Variants in STK33 observed in about 807,000 individuals in gnomAD.
STK33 encodes the protein serine/threonine kinase 33.
A neutral mutation model predicts 58.0 loss-of-function variants in STK33; 52 were observed. The ratio of observed to expected loss-of-function variants is 0.90; its 90% confidence interval spans 0.72 to 1.13. The LOEUF (loss-of-function observed/expected upper bound fraction) is 1.13. Among genes scored for constraint, STK33 ranks in the 50% most tolerant of loss-of-function variants. The pLI is 0.00. For missense variants in STK33, 630 were observed against 604.2 expected (o/e 1.04, Z -0.45); for synonymous variants, 215 against 200.1 (o/e 1.07, Z -0.63).
At chr11:8,447,349 A>G (rs1945627648) in intron 11 of STK33, among the ~76,000 whole-genome samples, 1 of 150,280 alleles carries the variant, frequency 6.7e-6, no homozygotes, top group Non-Finnish European at 1.5e-5. Context: ...AGAATTTTAG[A>G]CCAATATCTC....
At chr11:8,509,128 A>AT (rs1952108443) in intron 1 of STK33, among the ~76,000 whole-genome samples, 1 of 151,516 alleles carries the variant, frequency 6.6e-6, no homozygotes, top group Non-Finnish European at 1.5e-5. Flanking sequence ...AAAAAAAAAA[A>AT]AAAAAAAAAA....
At chr11:8,336,369 G>A in the STK33 span, among the ~76,000 whole-genome samples, 1 of 152,242 alleles carries the variant, frequency 6.6e-6, no homozygotes, top group Non-Finnish European at 1.5e-5. Context: ...AGCCTTGAGT[G>A]AGGAATCAGA....
chr11:8,583,119 C>T (rs962276955), intron 1 of STK33, among the ~76,000 whole-genome samples: 2 of 152,140 alleles, frequency 1.3e-5, no homozygotes, highest in Admixed American at 6.5e-5. Context: ...ACAGGTCATA[C>T]GTAATTATGT....
chr11:8,525,854 A>G (rs528011642), intron 1 of STK33, among the ~76,000 whole-genome samples: 2 of 152,332 alleles, frequency 1.3e-5, no homozygotes, highest in South Asian at 4.1e-4. Flanking sequence ...ATTAATTTCA[A>G]AAGATAGGCA....
At chr11:8,578,917 A>ACT (rs1399097244) in intron 1 of STK33, among the ~76,000 whole-genome samples, 1 of 152,022 alleles carries the variant, frequency 6.6e-6, no homozygotes, top group Non-Finnish European at 1.5e-5. Flanking sequence ...CTCATCTGTA[A>ACT]AATGGAAGTA....
intron 1 of STK33, among the ~76,000 whole-genome samples, chr11:8,516,694 C>A (rs1300065463): frequency 6.6e-6 from 1 of 152,256 alleles, no homozygotes; most frequent in African/African-American, 2.4e-5. Flanking sequence ...TATCCCGTGC[C>A]TGGCTTGGCG....
At chr11:8,561,597 T>TC (rs1282150758) in intron 1 of STK33, among the ~76,000 whole-genome samples, 3 of 152,190 alleles carry the variant, frequency 2.0e-5, no homozygotes, top group Non-Finnish European at 4.4e-5. Context: ...GGTGGTCTTT[T>TC]CCCCATGATA....
intron 14 of STK33, among the ~76,000 whole-genome samples, chr11:8,424,527 T>C (rs1455289688): frequency 6.6e-6 from 1 of 151,912 alleles, no homozygotes; most frequent in Non-Finnish European, 1.5e-5. Context: ...CTGGGTCAAA[T>C]GGTAATTCTA....
the STK33 span, among the ~76,000 whole-genome samples, chr11:8,355,392 T>C: frequency 3.3e-5 from 5 of 152,212 alleles, no homozygotes; most frequent in African/African-American, 1.2e-4. Flanking sequence ...AATAGCCACA[T>C]GGGGTTAGTG....
intron 11 of STK33, 28 bp downstream of exon 11, chr11:8,452,794 A>G (rs1179839692): frequency 2.1e-5 from 34 of 1,603,666 alleles, no homozygotes; most frequent in Non-Finnish European, 2.6e-5. Flanking sequence ...TCTCAAAACA[A>G]AAATTAATTT....
At chr11:8,525,704 T>C (rs1419694852) in intron 1 of STK33, among the ~76,000 whole-genome samples, 2 of 152,152 alleles carry the variant, frequency 1.3e-5, no homozygotes, top group Middle Eastern at 3.4e-3. Context: ...TTAAATAAAA[T>C]GCAAAGACGA....
At chr11:8,496,578 A>AT (rs796992204) in intron 1 of STK33, among the ~76,000 whole-genome samples, 1,961 of 142,786 alleles carry the variant, frequency 0.014, 25 homozygotes, top group African/African-American at 0.038. Flanking sequence ...GTGATATTTC[A>AT]TTTTTTTTTT....
the STK33 span, among the ~76,000 whole-genome samples, chr11:8,354,987 A>G: frequency 6.6e-6 from 1 of 152,260 alleles, no homozygotes; most frequent in Non-Finnish European, 1.5e-5. Flanking sequence ...GCAGAAAAAA[A>G]GAGCAAAGCT....
the STK33 span, among the ~76,000 whole-genome samples, chr11:8,381,529 C>A: frequency 3.3e-5 from 5 of 152,110 alleles, no homozygotes; most frequent in African/African-American, 7.2e-5. Context: ...ATCCCACAGG[C>A]GGAAGGTTTA....
intron 1 of STK33, among the ~76,000 whole-genome samples, chr11:8,522,803 C>A (rs146650243): frequency 0.012 from 1,857 of 152,262 alleles, 39 homozygotes; most frequent in African/African-American, 0.042. Flanking sequence ...GTCTCCCTCT[C>A]CCTCGTCTCC....
chr11:8,541,300 C>T (rs147351378), intron 1 of STK33, among the ~76,000 whole-genome samples: 1 of 152,090 alleles, frequency 6.6e-6, no homozygotes, highest in Admixed American at 6.5e-5. Flanking sequence ...AAAAATAGTT[C>T]TCAGTTTCGT....
chr11:8,574,326 C>CGTGCT (rs1482668577), intron 1 of STK33, among the ~76,000 whole-genome samples: 1 of 152,112 alleles, frequency 6.6e-6, no homozygotes, highest in Non-Finnish European at 1.5e-5. Flanking sequence ...ATGGTTGAAG[C>CGTGCT]GTGCTCAGAG....
chr11:8,527,304 C>T (rs1304907155), intron 1 of STK33, among the ~76,000 whole-genome samples: 1 of 152,058 alleles, frequency 6.6e-6, no homozygotes, highest in Admixed American at 6.5e-5. Context: ...GGAAAGAAAG[C>T]TATACAAACT....
At chr11:8,395,273 T>C (rs1849140331) in intron 15 of STK33, among the ~76,000 whole-genome samples, 1 of 152,232 alleles carries the variant, frequency 6.6e-6, no homozygotes, top group South Asian at 2.1e-4. Context: ...TTTCCTGTGC[T>C]GTTCTCATGA....
Sources: gnomAD v4.1 joint callset for allele counts (sites outside exome capture counted in the v4.1 genomes callset) on GRCh38, gnomAD v4.1.1 for gene constraint, MANE v1.5 for transcripts, NCBI Gene and HGNC (gene_info 2026-07-23, HGNC 2026-07-21) for gene names.